LCT: variants seen among roughly 807,000 people sequenced by gnomAD.
The protein encoded by LCT is lactase.
Under a neutral mutation model 173.0 loss-of-function variants are expected in LCT, and 90 were observed. The ratio of observed to expected loss-of-function variants is 0.52; its 90% CI spans 0.44 to 0.62. LCT has a LOEUF of 0.62. Ranked by LOEUF, LCT falls within the 20% of genes least tolerant of loss-of-function variation. The probability of loss-of-function intolerance (pLI) is 0.00; values close to 1 mark genes in which losing one functional copy is unlikely to be tolerated. For synonymous variants in LCT, 853 were observed against 957.6 expected, an observed-to-expected ratio of 0.89 and a Z score of 2.02; for missense variants, 1,864 against 2,431.4, an observed-to-expected ratio of 0.77 and a Z score of 4.91.
rs1456115942 is a variant in LCT, at chr2:135,818,076, G to A, written c.987-15C>T. The stretch of plus-strand genomic sequence containing the variant: ...AACAAGACATGCTGCAGGATTGAAG[G>A]GACAAAAAGGGACATAATAATGAAT... On this transcript the variant is annotated splice_polypyrimidine_tract_variant and intron_variant, in intron 5 of 16. Coordinates refer to ENST00000264162, the MANE Select transcript of LCT (RefSeq NM_002299.4). The A allele has an allele frequency of 6.2e-7, 1 of 1,612,136 alleles. No homozygotes were observed. The highest frequency in any genetic ancestry group is 8.5e-7 in the Non-Finnish European group (1 of 1,179,810).
chr2:135,790,644 CG>C lies in LCT; in HGVS notation c.5335+13del. 1 of 1,545,200 alleles carries C rather than the reference CG, an allele frequency of 6.5e-7. No homozygotes were observed. Among genetic ancestry groups the C allele is most frequent in the Non-Finnish European group, 8.9e-7 (1 of 1,118,798 alleles). ...GGGGAAGGTGCACGCTGGGGAAGGGCGGGCCCGTCGTACCTTTGAGGGCCTC... is the reference window on the plus strand; with the variant it reads ...GGGGAAGGTGCACGCTGGGGAAGGGCGGCCCGTCGTACCTTTGAGGGCCTC... On this transcript the variant is annotated intron_variant, in intron 15 of 16. Transcript: ENST00000264162. This position sits in a 1 kb window ranked among gnomAD's most constrained non-coding sequence, Gnocchi z 4.1.
At chr2:135,813,355 A>G (rs951398219) in intron 6 of LCT, among the ~76,000 whole-genome samples, 5 of 152,238 alleles carry the variant, frequency 3.3e-5, no homozygotes, top group African/African-American at 1.2e-4. Flanking sequence ...CACCAATGTG[A>G]AAAGGTCAAC....
chr2:135,799,139 A>T (rs1450039263), intron 12 of LCT, among the ~76,000 whole-genome samples: 2 of 152,216 alleles, frequency 1.3e-5, no homozygotes, highest in Non-Finnish European at 2.9e-5. Context: ...TGGCTAGCAG[A>T]CCAGAAAATT....
chr2:135,821,160 C>T (rs557860639), intron 5 of LCT, among the ~76,000 whole-genome samples: 24 of 152,286 alleles, frequency 1.6e-4, no homozygotes, highest in African/African-American at 5.5e-4. Flanking sequence ...GGATTACAGG[C>T]GTGAGCCACC....
chr2:135,806,074 A>G (rs902163017), intron 9 of LCT, among the ~76,000 whole-genome samples: 2 of 151,784 alleles, frequency 1.3e-5, no homozygotes, highest in South Asian at 2.1e-4. Flanking sequence ...ATCCCAGCTA[A>G]TGGGGAGGCT....
chr2:135,804,967 C>T lies in LCT; in HGVS notation c.4264G>A (p.Gly1422Arg). Reference protein sequence around the residue: ...TPLRVENDAIGDVACDSYHKI... With the variant: ...TPLRVENDAIRDVACDSYHKI... ...TGATAACTGTCACAGGCCACGTCTC[C>T]AATGGCATCGTTCTCAACCCTCAGT... Residue 1422 changes from glycine to arginine, a missense_variant, in exon 10 of 17, where the codon GGA (glycine) becomes AGA (arginine). Physicochemically the swap from Gly to Arg is moderately radical, Grantham distance 125. Transcript: ENST00000264162. 1 of 1,614,182 alleles carries T rather than the reference C, an allele frequency of 6.2e-7. No individual in the cohort carries two copies. The highest frequency in any genetic ancestry group is 8.5e-7 in the Non-Finnish European group (1 of 1,180,016).
intron 13 of LCT, among the ~76,000 whole-genome samples, chr2:135,795,227 T>G (rs1351271263): frequency 1.4e-5 from 2 of 139,704 alleles, no homozygotes; most frequent in African/African-American, 5.3e-5. Flanking sequence ...TTTTTTTTTG[T>G]GGCTGAGTCT....
At position 135,812,550 on chromosome 2, in the gene LCT, G is replaced by C. The variant is rs776546002; in HGVS notation, c.2114C>G (p.Thr705Ser). The C allele has an allele frequency of 1.6e-5, 26 of 1,614,140 alleles. No individual in the cohort carries two copies. In the South Asian group the frequency reaches 2.9e-4, roughly 18 times the overall value. ...CACGTGTTGGGAGAAGCCTCCAATG[G>C]TATCATAGCTAGGGATGCAGGTGTT... ...PQNTCIPSYD[T>S]IGGFSQHVNH... The change falls in exon 7 of 17, where the codon ACC becomes AGC. Residue 705 changes from threonine (T) to serine (S), a missense_variant. Physicochemically the swap from Thr to Ser is moderately conservative, Grantham distance 58. Around this residue, in one of 4 missense-constraint regions of LCT, gnomAD observed 755 missense variants for 926.3 expected, o/e 0.82. Transcript: ENST00000264162.
At chr2:135,803,287 A>T (rs2077642631) in intron 11 of LCT, among the ~76,000 whole-genome samples, 1 of 152,232 alleles carries the variant, frequency 6.6e-6, no homozygotes, top group Admixed American at 6.5e-5. Flanking sequence ...ATGTATCAAA[A>T]TATATTTTGT....
chr2:135,814,233 C>T (rs2077760098), intron 6 of LCT, among the ~76,000 whole-genome samples: 1 of 152,228 alleles, frequency 6.6e-6, no homozygotes, highest in South Asian at 2.1e-4. Context: ...CTGCTTCTCA[C>T]ATCCCAAATA....
chr2:135,800,354 A>G (rs1402034604), intron 12 of LCT, among the ~76,000 whole-genome samples: 2 of 152,038 alleles, frequency 1.3e-5, no homozygotes, highest in Non-Finnish European at 2.9e-5. Flanking sequence ...TAGCCTCCTG[A>G]GCAGCTGGGA....
chr2:135,834,536 C>T (rs1334257500), intron 1 of LCT, among the ~76,000 whole-genome samples: 2 of 147,168 alleles, frequency 1.4e-5, no homozygotes, highest in African/African-American at 5.0e-5. Context: ...GCCTGTAATC[C>T]CAGCATTTTG....
intron 13 of LCT, among the ~76,000 whole-genome samples, chr2:135,797,451 G>A (rs141835480): frequency 1.4e-3 from 215 of 152,260 alleles, no homozygotes; most frequent in African/African-American, 4.9e-3. Flanking sequence ...CCCAGCATGC[G>A]CCCTGGGGGC....
chr2:135,809,488 A>G lies in LCT; in HGVS notation c.2859T>C (p.Cys953=). The G allele has an allele frequency of 6.2e-7, 1 of 1,614,258 alleles. No individual in the cohort carries two copies. The highest frequency in any genetic ancestry group is 8.5e-7 in the Non-Finnish European group (1 of 1,180,048). The change falls in exon 8 of 17, where the codon TGT becomes TGC. Residue 953 remains cysteine (C), a synonymous_variant. Coordinates refer to ENST00000264162, the MANE Select transcript of LCT (RefSeq NM_002299.4). This position sits in a 1 kb window ranked among gnomAD's most constrained non-coding sequence, Gnocchi z 5.5. ...CGGCATCCAGCTGGTGATAGCTGTC[A>G]CAGGCGATGTCTCCAGTGGCATTGT... is the stretch of plus-strand genomic sequence containing the variant. ...VKDNATGDIA[C]DSYHQLDADL...
chr2:135,800,371 G>T (rs2077615391), intron 12 of LCT, among the ~76,000 whole-genome samples: 1 of 152,062 alleles, frequency 6.6e-6, no homozygotes, highest in East Asian at 1.9e-4. Flanking sequence ...GGGACTATAG[G>T]TGTGTGTCAC....
At position 135,797,977 on chromosome 2, in the gene LCT, C is replaced by G. The variant is rs186777525; in HGVS notation, c.4976+52G>C. 3.0e-6 allele frequency: 3 copies of G among 991,846 alleles called. No individual in the cohort carries two copies. In the East Asian group the frequency reaches 7.1e-5, roughly 23 times the overall value. 61.4% of individuals were successfully genotyped at this position (991,846 alleles called of 1,614,324 possible). A position where few individuals can be genotyped will look rare whatever the true frequency, so the allele number is the denominator to read the frequency against. Reference sequence around the variant, plus strand: ...TCATGGTAACTTGCCCGAGACATGCCTCTGTGACCCCGACGCCCATGCCCT... The same window carrying G: ...TCATGGTAACTTGCCCGAGACATGCGTCTGTGACCCCGACGCCCATGCCCT... On this transcript the variant is annotated intron_variant, in intron 13 of 16. Coordinates refer to ENST00000264162, the MANE Select transcript of LCT (RefSeq NM_002299.4).
At position 135,822,029 on chromosome 2, in the gene LCT, G is replaced by T; in HGVS notation, c.977C>A (p.Ser326Tyr). 6.3e-7 allele frequency: 1 copy of T among 1,593,634 alleles called. No individual in the cohort carries two copies. Among genetic ancestry groups the T allele is most frequent in the Non-Finnish European group, 8.6e-7 (1 of 1,161,394 alleles). Residue 326 changes from serine (S) to tyrosine (Y), a missense_variant, in exon 5 of 17, where the codon TCC (serine) becomes TAC (tyrosine). Ser to Tyr is a moderately radical substitution (Grantham distance 144, BLOSUM62 -2). Around this residue, in one of 4 missense-constraint regions of LCT, gnomAD observed 412 missense variants for 462.0 expected, o/e 0.89. Coordinates refer to ENST00000264162, the MANE Select transcript of LCT (RefSeq NM_002299.4). ...GGCAACCTGACATTACCTTTTCTTG[G>T]AACTTGATGAACAACTCAGAAACTC... ...INEFLSCSSS[S>Y]KKSMSCSLTG...
In LCT at chr2:135,835,976, G is replaced by GTATATAAATA. The variant is rs1553436125; in HGVS notation, c.640+553_640+554insTATTTATATA. On this transcript the variant is annotated intron_variant, in intron 1 of 16. Transcript: ENST00000264162. ...AGGGGTATTTCAAAAATACATGTGT[G>GTATATAAATA]TATATATATATATATATATATATAT... Among the ~76,000 whole-genome samples the GTATATAAATA allele has an allele frequency of 6.5e-3, 524 of 80,388 alleles. 61 individuals are homozygous for GTATATAAATA. The highest frequency in any genetic ancestry group is 0.033 in the African/African-American group (499 of 14,968). 52.7% of individuals were successfully genotyped at this position (80,388 alleles called of 152,430 possible). A position where few individuals can be genotyped will look rare whatever the true frequency, so the allele number is the denominator to read the frequency against.
chr2:135,821,941 A>T, intron 5 of LCT, 79 bp downstream of exon 5: 1 of 871,580 alleles, frequency 1.1e-6, no homozygotes, highest in East Asian at 3.5e-5. Context: ...CAACAGTCCT[A>T]TAAGATTATA....
Sources: gnomAD v4.1 joint callset for allele counts (sites outside exome capture counted in the v4.1 genomes callset) on GRCh38, gnomAD v4.1.1 for gene constraint, gnomAD v4.1.1 regional missense constraint, Gnocchi (gnomAD v3.1) non-coding constraint, MANE v1.5 for transcripts, NCBI Gene and HGNC (gene_info 2026-07-23, HGNC 2026-07-21) for gene names.